Variants in USP26 observed in about 807,000 individuals in gnomAD.
USP26 encodes ubiquitin carboxyl-terminal hydrolase 26.
For synonymous variants in USP26, 236 were observed against 240.6 expected (o/e 0.98, Z 0.18); for missense variants, 649 against 642.3 (o/e 1.01, Z -0.11).
At chrX:133,086,288 T>G (rs764530447) in intron 4 of USP26, among the ~76,000 whole-genome samples, 1 of 111,901 alleles carries the variant, frequency 8.9e-6, no homozygotes, top group African/African-American at 3.2e-5. Context: ...AATTTTCACT[T>G]TGCAAATGTT....
rs199943199 is a variant in USP26 at position 133,039,129 on chromosome X, A to AT, written c.-76-10834dup. Among the ~76,000 whole-genome samples, 677 of 110,626 alleles carry AT rather than the reference A, an allele frequency of 6.1e-3. 3 individuals carry two copies. Among genetic ancestry groups the AT allele is most frequent in the Non-Finnish European group, 7.7e-3 (408 of 52,775 alleles). ...AAAAAACCAGCTCCTGGACTCATTG[A>AT]TTTTTTTTAACAGTTTTTCGTGTCT... On this transcript the variant is annotated intron_variant, in intron 5 of 5. Transcript: ENST00000511190.
At chrX:133,075,418 C>A (rs186735479) in intron 5 of USP26, among the ~76,000 whole-genome samples, 4 of 112,185 alleles carry the variant, frequency 3.6e-5, no homozygotes, top group African/African-American at 9.7e-5. Context: ...CTGAGCAAAT[C>A]TATTTTCTTC....
At chrX:133,048,432 T>G (rs1391134171) in intron 5 of USP26, among the ~76,000 whole-genome samples, 2 of 111,998 alleles carry the variant, frequency 1.8e-5, no homozygotes, top group Non-Finnish European at 3.8e-5. Context: ...TAATTATTCC[T>G]TCGTGGATTT....
intron 4 of USP26, among the ~76,000 whole-genome samples, chrX:133,088,557 G>C (rs2067597251): frequency 9.0e-6 from 1 of 111,278 alleles, no homozygotes; most frequent in African/African-American, 3.3e-5. Flanking sequence ...CCCGGAGTTT[G>C]GAAACCCCTG....
At chrX:133,035,266 A>G (rs1028047752) in intron 5 of USP26, among the ~76,000 whole-genome samples, 4 of 112,482 alleles carry the variant, frequency 3.6e-5, no homozygotes, top group Non-Finnish European at 7.5e-5. Flanking sequence ...AGATAACTGG[A>G]TTACAAGAAA....
chrX:133,065,735 A>G (rs1005745795), intron 5 of USP26, among the ~76,000 whole-genome samples: 30 of 112,010 alleles, frequency 2.7e-4, no homozygotes, highest in Middle Eastern at 4.3e-3. Context: ...TCAAAATAAT[A>G]AGAGCTATTT....
Position 133,026,069 on chromosome X carries a change from T to C in USP26, c.2152A>G (p.Lys718Glu). Residue 718 changes from lysine (K) to glutamate (E), a missense_variant, in exon 6 of 6, where the codon AAA becomes GAA. By Grantham distance (56) the Lys-to-Glu change is moderately conservative. Transcript: ENST00000511190. The stretch of plus-strand genomic sequence containing the variant: ...ATATTTTTATCTTCATACAAATCTT[T>C]AGTAGGATTGATAATCCTATCAAAA... Reference protein sequence around the residue: ...VAFDRIINPTKDLYEDKNIRI... With the variant: ...VAFDRIINPTEDLYEDKNIRI... 8.3e-7 allele frequency: 1 copy of C among 1,210,922 alleles called. No individual in the cohort carries two copies. The highest frequency in any genetic ancestry group is 1.7e-5 in the African/African-American group (1 of 57,718).
chrX:133,075,545 G>A (rs1027270328), intron 5 of USP26, among the ~76,000 whole-genome samples: 1 of 112,192 alleles, frequency 8.9e-6, no homozygotes, highest in African/African-American at 3.2e-5. Flanking sequence ...TGCAATGGGA[G>A]ATGGTAAGAT....
intron 5 of USP26, among the ~76,000 whole-genome samples, chrX:133,061,581 G>A (rs990659603): frequency 2.7e-5 from 3 of 112,352 alleles, no homozygotes; most frequent in Non-Finnish European, 5.6e-5. Context: ...GGTGATTTCT[G>A]CATTTCCAAC....
Position 133,033,687 on chromosome X carries a change from G to A in USP26, c.-76-5391C>T, listed in dbSNP as rs553267023. 4.3e-4 allele frequency among the ~76,000 whole-genome samples: 48 copies of A among 112,093 alleles called. No homozygotes were observed. In the South Asian group the frequency reaches 0.016, roughly 38 times the overall value. On this transcript the variant is annotated intron_variant, in intron 5 of 5. Coordinates refer to ENST00000511190, the MANE Select transcript of USP26 (RefSeq NM_031907.3). ...TCTTGAAATTAATCCTTCTTCTCCT[G>A]TTGGAATCTTCCTAGTATTTTGCAG...
intron 1 of USP26, 95 bp from the exon 2 acceptor site, chrX:133,091,538 A>G (rs1306391327): frequency 8.9e-6 from 1 of 112,265 alleles, no homozygotes; most frequent in Non-Finnish European, 1.9e-5. Flanking sequence ...AAGTTTGTCA[A>G]TGTCTCTGTA....
intron 5 of USP26, among the ~76,000 whole-genome samples, chrX:133,044,062 G>A (rs1298625580): frequency 1.8e-5 from 2 of 112,597 alleles, no homozygotes; most frequent in Non-Finnish European, 3.8e-5. Flanking sequence ...GACCTTTGAA[G>A]GAAATCTGAG....
Position 133,026,145 on chromosome X carries a change from C to A in USP26, c.2076G>T (p.Val692=). ...TPLSKVDFQT[V]PENPKRKKYV... is the part of the protein sequence containing the mutation. The stretch of plus-strand genomic sequence containing the variant: ...ATTTCTTTCGTTTTGGATTTTCGGG[C>A]ACTGTTTGAAAGTCAACTTTTGAGA... Residue 692 remains valine (V), a synonymous_variant, in exon 6 of 6, where the codon GTG becomes GTT. Coordinates refer to ENST00000511190, the MANE Select transcript of USP26 (RefSeq NM_031907.3). 1.7e-6 allele frequency: 2 copies of A among 1,210,767 alleles called. No homozygotes were observed. The highest frequency in any genetic ancestry group is 2.2e-6 in the Non-Finnish European group (2 of 895,362).
At chrX:133,068,976 A>G (rs1057030068) in intron 5 of USP26, among the ~76,000 whole-genome samples, 11 of 112,143 alleles carry the variant, frequency 9.8e-5, no homozygotes, top group African/African-American at 3.2e-4. Context: ...TAATTTTCTG[A>G]TAGGGAGACT....
chrX:133,072,192 A>G (rs2067532756), intron 5 of USP26, among the ~76,000 whole-genome samples: 1 of 112,103 alleles, frequency 8.9e-6, no homozygotes, highest in African/African-American at 3.2e-5. Flanking sequence ...TCTGTGATCA[A>G]AGAAAATGTT....
chrX:133,037,862 T>C (rs1372757821), intron 5 of USP26, among the ~76,000 whole-genome samples: 4 of 111,733 alleles, frequency 3.6e-5, no homozygotes, highest in Non-Finnish European at 5.6e-5. Flanking sequence ...CAGTGGTTTG[T>C]AGTTCTCCTT....
At chrX:133,041,010 A>C (rs1410508260) in intron 5 of USP26, among the ~76,000 whole-genome samples, 1 of 109,703 alleles carries the variant, frequency 9.1e-6, no homozygotes. Flanking sequence ...TTTATGCTTC[A>C]CGAAGTTCTG....
chrX:133,034,306 C>T (rs919002236), intron 5 of USP26, among the ~76,000 whole-genome samples: 3 of 111,555 alleles, frequency 2.7e-5, no homozygotes, highest in Non-Finnish European at 5.6e-5. Flanking sequence ...AGAATCTTAA[C>T]TTTCCTGAGG....
Position 133,026,445 on chromosome X carries a change from C to T in USP26, c.1776G>A (p.Lys592=). 8.3e-7 allele frequency: 1 copy of T among 1,208,647 alleles called. No individual in the cohort carries two copies. Among genetic ancestry groups the T allele is most frequent in the Non-Finnish European group, 1.1e-6 (1 of 894,771 alleles). Residue 592 remains lysine (K), a synonymous_variant, in exon 6 of 6, where the codon AAG becomes AAA. Transcript: ENST00000511190. ...GNISVSWPAT[K]ESKDILAPHI... ...GTGGAGCCAGGATATCTTTGGATTC[C>T]TTTGTTGCAGGCCATGATACACTGA... is the stretch of plus-strand genomic sequence containing the variant.
Sources: gnomAD v4.1 joint callset for allele counts (sites outside exome capture counted in the v4.1 genomes callset) on GRCh38, gnomAD v4.1.1 for gene constraint, MANE v1.5 for transcripts, NCBI Gene and HGNC (gene_info 2026-07-23, HGNC 2026-07-21) for gene names.